Variants in BRINP3 observed in about 807,000 individuals in gnomAD.
BRINP3 encodes BMP/retinoic acid inducible neural specific 3.
BRINP3 carries 19 observed loss-of-function variants against 71.0 expected under a neutral mutation model. That is an observed-to-expected ratio of 0.27 (90% CI 0.19 to 0.39). The LOEUF is 0.39. Ranked by LOEUF, BRINP3 falls within the 10% of genes least tolerant of loss-of-function variation. The pLI, the probability that BRINP3 is intolerant of heterozygous loss-of-function variation, is 1.00. For synonymous variants in BRINP3, 380 were observed against 337.7 expected, an observed-to-expected ratio of 1.13 and a Z score of -1.37; for missense variants, 959 against 940.8, an observed-to-expected ratio of 1.02 and a Z score of -0.25.
chr1:190,163,053 C>T (rs1651156341), intron 6 of BRINP3, among the ~76,000 whole-genome samples: 1 of 152,044 alleles, frequency 6.6e-6, no homozygotes, highest in Non-Finnish European at 1.5e-5. Flanking sequence ...GAAATTCACT[C>T]TACTTAGAAG....
intron 7 of BRINP3, among the ~76,000 whole-genome samples, chr1:190,157,952 G>A (rs901793759): frequency 1.3e-5 from 2 of 151,946 alleles, no homozygotes; most frequent in African/African-American, 2.4e-5. Context: ...ATAAAATCAC[G>A]TCCTTTGCAG....
At chr1:190,469,644 A>G (rs1676996425) in intron 1 of BRINP3, among the ~76,000 whole-genome samples, 1 of 151,016 alleles carries the variant, frequency 6.6e-6, no homozygotes, top group Non-Finnish European at 1.5e-5. Context: ...AAATATTACC[A>G]TACTAAAGTC....
intron 6 of BRINP3, among the ~76,000 whole-genome samples, chr1:190,176,263 A>C (rs2102516452): frequency 6.6e-6 from 1 of 152,284 alleles, no homozygotes; most frequent in African/African-American, 2.4e-5. Context: ...TCAACTGCAA[A>C]GGCCAAGTTT....
At chr1:190,388,627 G>T (rs1238242755) in intron 2 of BRINP3, among the ~76,000 whole-genome samples, 5 of 151,680 alleles carry the variant, frequency 3.3e-5, no homozygotes, top group Non-Finnish European at 7.4e-5. Flanking sequence ...AGAGAATGTG[G>T]CCCCACAGAC....
At chr1:190,265,662 G>A (rs375711229) in intron 3 of BRINP3, among the ~76,000 whole-genome samples, 2 of 151,082 alleles carry the variant, frequency 1.3e-5, no homozygotes, top group Non-Finnish European at 1.5e-5. Flanking sequence ...TGCAGTGAGC[G>A]GAGGTTCCCG....
chr1:190,476,066 C>T (rs1677479199), intron 1 of BRINP3: 1 of 151,844 alleles, frequency 6.6e-6, no homozygotes, highest in African/African-American at 2.4e-5. Context: ...GTCTCAACCC[C>T]CGTTCCCTCT....
chr1:190,120,157 A>T (rs1021010842), intron 7 of BRINP3, among the ~76,000 whole-genome samples: 2 of 152,228 alleles, frequency 1.3e-5, no homozygotes, highest in Admixed American at 6.5e-5. Flanking sequence ...AGTCATTAGC[A>T]GCTAGTGATT....
chr1:190,309,189 T>TA (rs11336540), intron 2 of BRINP3, among the ~76,000 whole-genome samples: 61 of 150,246 alleles, frequency 4.1e-4, no homozygotes, highest in Admixed American at 6.0e-4. Flanking sequence ...AAGTCCACAA[T>TA]AAAAAAAAAA....
At chr1:190,353,133 A>G (rs1192253495) in intron 2 of BRINP3, among the ~76,000 whole-genome samples, 1 of 151,990 alleles carries the variant, frequency 6.6e-6, no homozygotes, top group Non-Finnish European at 1.5e-5. Flanking sequence ...TGTGTTTTAA[A>G]TCTATTTCAT....
chr1:190,265,561 T>TATATAA (rs1024610590), intron 3 of BRINP3, among the ~76,000 whole-genome samples: 2 of 141,690 alleles, frequency 1.4e-5, no homozygotes, highest in African/African-American at 5.3e-5. Flanking sequence ...TATATATATA[T>TATATAA]AAATTAGCCG....
chr1:190,234,136 T>G (rs1014324223), intron 5 of BRINP3, among the ~76,000 whole-genome samples: 4 of 152,138 alleles, frequency 2.6e-5, no homozygotes, highest in African/African-American at 7.2e-5. Context: ...TTAGGACAGA[T>G]TTTCAATTGC....
intron 2 of BRINP3, among the ~76,000 whole-genome samples, chr1:190,433,053 A>T (rs1674207093): frequency 6.6e-6 from 1 of 152,190 alleles, no homozygotes; most frequent in Admixed American, 6.5e-5. Context: ...TCATTAACCT[A>T]GTTATCATTA....
At chr1:190,395,035 T>C (rs1671481481) in intron 2 of BRINP3, among the ~76,000 whole-genome samples, 1 of 151,724 alleles carries the variant, frequency 6.6e-6, no homozygotes, top group Admixed American at 6.6e-5. Context: ...TTTATAAAAT[T>C]AAAGTAGATT....
chr1:190,274,134 G>A (rs1328857241), intron 3 of BRINP3, among the ~76,000 whole-genome samples: 2 of 151,518 alleles, frequency 1.3e-5, no homozygotes, highest in Admixed American at 6.6e-5. Flanking sequence ...TGTTGCAAAA[G>A]AGTCCTTCTT....
chr1:190,377,254 A>G (rs757404319), intron 2 of BRINP3, among the ~76,000 whole-genome samples: 1 of 152,038 alleles, frequency 6.6e-6, no homozygotes, highest in Non-Finnish European at 1.5e-5. Context: ...CAAACCACTG[A>G]GCAACAAACA....
chr1:190,242,642 G>C (rs2102776102), intron 4 of BRINP3, among the ~76,000 whole-genome samples: 1 of 152,082 alleles, frequency 6.6e-6, no homozygotes, highest in South Asian at 2.1e-4. Context: ...TTATAGAACT[G>C]CATTTTTAAA....
At chr1:190,247,082 A>G (rs1215322172) in intron 4 of BRINP3, among the ~76,000 whole-genome samples, 1 of 152,026 alleles carries the variant, frequency 6.6e-6, no homozygotes, top group African/African-American at 2.4e-5. Context: ...CAAGTTACAA[A>G]TAACCGTATT....
At chr1:190,402,180 A>G (rs1412726271) in intron 2 of BRINP3, among the ~76,000 whole-genome samples, 1 of 152,134 alleles carries the variant, frequency 6.6e-6, no homozygotes, top group Non-Finnish European at 1.5e-5. Context: ...GGCGTGTATA[A>G]CAATAAAGTT....
chr1:190,302,361 T>G (rs1475483338), intron 2 of BRINP3, among the ~76,000 whole-genome samples: 7 of 150,172 alleles, frequency 4.7e-5, no homozygotes, highest in African/African-American at 1.7e-4. Context: ...ACACTGTGAT[T>G]TAAAAAGATA....
Sources: allele counts gnomAD v4.1 joint callset (sites outside exome capture counted in the v4.1 genomes callset), GRCh38; gene constraint gnomAD v4.1.1; transcripts MANE v1.5; gene names NCBI Gene and HGNC (gene_info 2026-07-23, HGNC 2026-07-21).